Variants in SLC22A9 observed in about 807,000 individuals in gnomAD.
The protein encoded by SLC22A9 is solute carrier family 22 member 9, also known as organic anion transporter 7.
SLC22A9 carries 64 observed loss-of-function variants against 50.1 expected under a neutral mutation model. The observed-to-expected ratio is 1.28, with a 90% confidence interval of 1.04 to 1.57. The LOEUF (loss-of-function observed/expected upper bound fraction) is 1.57. SLC22A9 is among the 40% of genes most tolerant of loss of function. The pLI is 0.00. For synonymous variants in SLC22A9, 261 were observed against 242.5 expected, an observed-to-expected ratio of 1.08 and a Z score of -0.71; for missense variants, 757 against 676.1, an observed-to-expected ratio of 1.12 and a Z score of -1.33.
At chr11:63,390,037 G>T (rs1454443695) in intron 6 of SLC22A9, among the ~76,000 whole-genome samples, 2 of 151,858 alleles carry the variant, frequency 1.3e-5, no homozygotes, top group Non-Finnish European at 2.9e-5. Flanking sequence ...GTTTTTTCTG[G>T]TAAATTTGTT....
intron 6 of SLC22A9, among the ~76,000 whole-genome samples, chr11:63,405,114 A>AAAT (rs1210823050): frequency 6.6e-6 from 1 of 151,936 alleles, no homozygotes; most frequent in South Asian, 2.1e-4. Context: ...AAAGCTATTG[A>AAAT]AATAATAACA....
chr11:63,393,302 G>A (rs931823180), intron 6 of SLC22A9, among the ~76,000 whole-genome samples: 3 of 152,246 alleles, frequency 2.0e-5, no homozygotes, highest in African/African-American at 4.8e-5. Flanking sequence ...CTCTGTTGGT[G>A]TATAGAAGAG....
intron 6 of SLC22A9, among the ~76,000 whole-genome samples, chr11:63,399,569 T>C (rs1481660182): frequency 6.6e-6 from 1 of 152,034 alleles, no homozygotes; most frequent in Non-Finnish European, 1.5e-5. Flanking sequence ...CTACTAGAAC[T>C]AAAGAGATAG....
At chr11:63,387,146 T>C (rs1307184751) in intron 6 of SLC22A9, among the ~76,000 whole-genome samples, 1 of 152,146 alleles carries the variant, frequency 6.6e-6, no homozygotes, top group East Asian at 1.9e-4. Flanking sequence ...TTTAACTTAA[T>C]ATAATCCCAT....
chr11:63,405,113 G>A (rs897118051), intron 6 of SLC22A9, among the ~76,000 whole-genome samples: 1 of 151,532 alleles, frequency 6.6e-6, no homozygotes, highest in Non-Finnish European at 1.5e-5. Flanking sequence ...AAAAGCTATT[G>A]AAATAATAAC....
chr11:63,409,935 C>A lies in SLC22A9; in HGVS notation c.*73C>A. ...AATCAGGACTATTCCTAGACACTAG[C>A]AAAATCTAGAAAATAAATAACAAGG... is the stretch of plus-strand genomic sequence containing the variant. On this transcript the variant is annotated 3_prime_UTR_variant, in exon 10 of 10. Transcript: ENST00000279178. 6.5e-7 allele frequency: 1 copy of A among 1,530,360 alleles called. No homozygotes were observed. The highest frequency in any genetic ancestry group is 9.0e-7 in the Non-Finnish European group (1 of 1,108,298). 94.8% of individuals were successfully genotyped at this position (1,530,360 alleles called of 1,614,324 possible). A position where few individuals can be genotyped will look rare whatever the true frequency, so the allele number is the denominator to read the frequency against.
chr11:63,379,939 C>T (rs2014531301), intron 5 of SLC22A9, among the ~76,000 whole-genome samples: 3 of 152,074 alleles, frequency 2.0e-5, no homozygotes, highest in Admixed American at 1.3e-4. Flanking sequence ...ACCATGTTGG[C>T]CAGGCTGGTC....
intron 6 of SLC22A9, among the ~76,000 whole-genome samples, chr11:63,384,395 T>G (rs988290631): frequency 6.6e-6 from 1 of 152,214 alleles, no homozygotes; most frequent in Non-Finnish European, 1.5e-5. Context: ...ATGCAGTGTT[T>G]GGTTTTCTGT....
At chr11:63,381,167 C>A (rs1474710511) in intron 5 of SLC22A9, among the ~76,000 whole-genome samples, 1 of 152,150 alleles carries the variant, frequency 6.6e-6, no homozygotes, top group Admixed American at 6.6e-5. Flanking sequence ...TAACCTAAAG[C>A]TGCTCCACAT....
intron 6 of SLC22A9, among the ~76,000 whole-genome samples, chr11:63,385,110 T>TGTTTTTTTTGTTGTTGTTGTTG (rs1555014152): frequency 5.8e-5 from 8 of 138,610 alleles, no homozygotes; most frequent in African/African-American, 2.0e-4. Context: ...GATACAGTTT[T>TGTTTTTTTTGTTGTTGTTGTTG]TTTTTTTTTT....
At chr11:63,393,591 T>C (rs2014801833) in intron 6 of SLC22A9, among the ~76,000 whole-genome samples, 1 of 152,160 alleles carries the variant, frequency 6.6e-6, no homozygotes, top group Non-Finnish European at 1.5e-5. Context: ...TACATTGATG[T>C]ATGTCCTTTG....
chr11:63,389,151 TTTTAA>T (rs534676990), intron 6 of SLC22A9, among the ~76,000 whole-genome samples: 6 of 152,140 alleles, frequency 3.9e-5, no homozygotes, highest in East Asian at 1.9e-4. Flanking sequence ...ATTTATTTTA[TTTTAA>T]TTTATTTCTG....
At chr11:63,389,234 A>G (rs2014719738) in intron 6 of SLC22A9, among the ~76,000 whole-genome samples, 1 of 151,942 alleles carries the variant, frequency 6.6e-6, no homozygotes. Flanking sequence ...TTTCATAGGT[A>G]TACATGTGCC....
At position 63,409,920 on chromosome 11, in the gene SLC22A9, A is replaced by G; in HGVS notation, c.*58A>G. 6.3e-7 allele frequency: 1 copy of G among 1,579,644 alleles called. No individual in the cohort carries two copies. The highest frequency in any genetic ancestry group is 8.7e-7 in the Non-Finnish European group (1 of 1,150,384). On this transcript the variant is annotated 3_prime_UTR_variant, in exon 10 of 10. Coordinates refer to ENST00000279178, the MANE Select transcript of SLC22A9 (RefSeq NM_080866.3). ...CCAGATGAAGGGAACAATCAGGACTATTCCTAGACACTAGCAAAATCTAGA... is the reference window on the plus strand; with the variant it reads ...CCAGATGAAGGGAACAATCAGGACTGTTCCTAGACACTAGCAAAATCTAGA...
At chr11:63,398,032 C>A (rs932164603) in intron 6 of SLC22A9, among the ~76,000 whole-genome samples, 1 of 152,140 alleles carries the variant, frequency 6.6e-6, no homozygotes, top group Non-Finnish European at 1.5e-5. Flanking sequence ...TCACCCAAGG[C>A]CAATCGAGTG....
intron 6 of SLC22A9, among the ~76,000 whole-genome samples, chr11:63,398,121 G>T (rs190079389): frequency 6.6e-6 from 1 of 152,136 alleles, no homozygotes; most frequent in Admixed American, 6.6e-5. Flanking sequence ...TCAGGCCTGC[G>T]TCCTTCCCTT....
chr11:63,394,388 G>T (rs1212875435), intron 6 of SLC22A9, among the ~76,000 whole-genome samples: 1 of 151,962 alleles, frequency 6.6e-6, no homozygotes, highest in African/African-American at 2.4e-5. Flanking sequence ...AAGATTTAGA[G>T]GTCCTTTTAG....
chr11:63,380,324 A>G (rs540566688), intron 5 of SLC22A9, among the ~76,000 whole-genome samples: 3 of 152,288 alleles, frequency 2.0e-5, no homozygotes, highest in East Asian at 3.9e-4. Context: ...CGACCCAGCA[A>G]TCTACTACTG....
chr11:63,370,443 C>G lies in SLC22A9; in HGVS notation c.387C>G (p.Ser129=). 1.3e-6 allele frequency: 2 copies of G among 1,589,926 alleles called. No homozygotes were observed. The highest frequency in any genetic ancestry group is 1.7e-6 in the Non-Finnish European group (2 of 1,168,258). The change falls in exon 1 of 10, where the codon TCC becomes TCG. Residue 129 remains serine, a synonymous_variant. Coordinates refer to ENST00000279178, the MANE Select transcript of SLC22A9 (RefSeq NM_080866.3). The part of the protein sequence containing the change: ...GWVYDRISFS[S]TIVTEWDLVC... ...TGTATGACAGAATCTCCTTCTCATC[C>G]ACCATCGTGACTGAGGTAAGAGGCT...
Sources: gnomAD v4.1 joint callset for allele counts (sites outside exome capture counted in the v4.1 genomes callset) on GRCh38, gnomAD v4.1.1 for gene constraint, MANE v1.5 for transcripts, NCBI Gene and HGNC (gene_info 2026-07-23, HGNC 2026-07-21) for gene names.